Variants in SLC27A1 observed in about 807,000 individuals in gnomAD.
SLC27A1 encodes long-chain fatty acid transport protein 1.
SLC27A1 carries 61 observed loss-of-function variants against 62.2 expected under a neutral mutation model. The observed-to-expected ratio is 0.98, with a 90% CI of 0.80 to 1.21. The LOEUF is 1.21. Ranked by LOEUF, SLC27A1 falls within the 50% of genes most tolerant of loss-of-function variation. The probability of loss-of-function intolerance (pLI) is 0.00; values close to 1 mark genes in which losing one functional copy is unlikely to be tolerated. For missense variants in SLC27A1, 903 were observed against 932.1 expected, an observed-to-expected ratio of 0.97 and a Z score of 0.41; for synonymous variants, 435 against 408.6, an observed-to-expected ratio of 1.06 and a Z score of -0.78.
rs1356310316 is a variant in SLC27A1, at chr19:17,505,189, G to A, written c.*577G>A. 4.0e-5 allele frequency: 12 copies of A among 301,886 alleles called. No individual in the cohort carries two copies. Among genetic ancestry groups the A allele is most frequent in the Middle Eastern group, 1.2e-3 (1 of 828 alleles). The allele number at this position is 301,886 out of a possible 1,614,324, so 18.7% of individuals were successfully genotyped here. On this transcript the variant is annotated 3_prime_UTR_variant, in exon 12 of 12. Coordinates refer to ENST00000252595, the MANE Select transcript of SLC27A1 (RefSeq NM_198580.3). ...GATTATAGGCGTGAGCCTCTGGCCC[G>A]GCCTTTCCTTTTTCCTCTCCTCTCC... is the stretch of plus-strand genomic sequence containing the variant.
chr19:17,470,888 T>TG (rs1178653283), intron 1 of SLC27A1, among the ~76,000 whole-genome samples, 181 bp downstream of exon 1: 2 of 134,236 alleles, frequency 1.5e-5, no homozygotes, highest in Non-Finnish European at 3.2e-5. Flanking sequence ...GGTGACCAGT[T>TG]GGGGGTCTCT....
chr19:17,488,974 G>T (rs2144583662), intron 5 of SLC27A1, 34 bp from the exon 6 acceptor site: 2 of 1,613,898 alleles, frequency 1.2e-6, no homozygotes, highest in East Asian at 4.5e-5. Context: ...GTGGGTGGGG[G>T]CGGGGGACCC....
At chr19:17,487,602 C>CTGAG (rs1363967215) in intron 4 of SLC27A1, 73 bp downstream of exon 4, 6 of 1,441,496 alleles carry the variant, frequency 4.2e-6, no homozygotes, top group Non-Finnish European at 5.7e-6. Flanking sequence ...CTGACCTGCC[C>CTGAG]CTCAGCTCCT....
In SLC27A1 at chr19:17,501,369, C is replaced by A; in HGVS notation, c.1733C>A (p.Pro578His). 3 of 1,613,904 alleles carry A rather than the reference C, an allele frequency of 1.9e-6. No homozygotes were observed. The highest frequency in any genetic ancestry group is 2.5e-6 in the Non-Finnish European group (3 of 1,179,944). Residue 578 changes from proline (P) to histidine (H), a missense_variant, in exon 11 of 12, where the codon CCC (proline) becomes CAC (histidine). Transcript: ENST00000252595. ...IYQELQKVLAPYARPIFLRLL... is the reference protein window; with the variant it reads ...IYQELQKVLAHYARPIFLRLL... ...CAGGAGCTGCAGAAGGTGCTGGCACCCTATGCCCGGCCCATCTTCCTGCGC... is the reference window on the plus strand; with the variant it reads ...CAGGAGCTGCAGAAGGTGCTGGCACACTATGCCCGGCCCATCTTCCTGCGC...
chr19:17,476,632 G>A (rs2075125498), intron 1 of SLC27A1, among the ~76,000 whole-genome samples: 2 of 152,080 alleles, frequency 1.3e-5, no homozygotes, highest in South Asian at 2.1e-4. Context: ...TACGTCGCCA[G>A]CACTTGATAA....
intron 1 of SLC27A1, among the ~76,000 whole-genome samples, chr19:17,481,167 C>T (rs1475320073): frequency 6.6e-6 from 1 of 152,030 alleles, no homozygotes; most frequent in Non-Finnish European, 1.5e-5. Flanking sequence ...TCAGGTGATC[C>T]ATCCACCTCA....
At chr19:17,480,062 C>G (rs1419268674) in intron 1 of SLC27A1, among the ~76,000 whole-genome samples, 1 of 152,100 alleles carries the variant, frequency 6.6e-6, no homozygotes, top group Non-Finnish European at 1.5e-5. Flanking sequence ...GAGTCTCACT[C>G]TGTCACCCAG....
At chr19:17,469,389 C>A (rs536111738), upstream of SLC27A1, among the ~76,000 whole-genome samples, 2 of 151,954 alleles carry the variant, frequency 1.3e-5, no homozygotes, top group East Asian at 3.9e-4. Context: ...GAATACAGCC[C>A]GCGCGGGCCG....
chr19:17,501,711 G>A (rs1412034245), intron 11 of SLC27A1, among the ~76,000 whole-genome samples: 1 of 149,762 alleles, frequency 6.7e-6, no homozygotes, highest in Non-Finnish European at 1.5e-5. Context: ...GCTGAGGCAG[G>A]AGAATGGCAT....
intron 6 of SLC27A1, among the ~76,000 whole-genome samples, chr19:17,491,488 C>T (rs1015386521): frequency 2.0e-5 from 3 of 152,298 alleles, no homozygotes; most frequent in Middle Eastern, 3.4e-3. Context: ...TGGGCAGTGG[C>T]TCAATTCTGT....
At chr19:17,482,347 C>A (rs1056191330) in intron 1 of SLC27A1, among the ~76,000 whole-genome samples, 1 of 152,052 alleles carries the variant, frequency 6.6e-6, no homozygotes, top group African/African-American at 2.4e-5. Flanking sequence ...GACGAAACTC[C>A]GTCTCTACTA....
chr19:17,481,204 C>T (rs193139453), intron 1 of SLC27A1, among the ~76,000 whole-genome samples: 183 of 152,042 alleles, frequency 1.2e-3, no homozygotes, highest in Non-Finnish European at 2.3e-3. Context: ...GGATTACAGG[C>T]GTGAGCCACT....
chr19:17,484,460 C>T (rs1359702782), intron 1 of SLC27A1, among the ~76,000 whole-genome samples: 4 of 152,016 alleles, frequency 2.6e-5, no homozygotes, highest in South Asian at 2.1e-4. Flanking sequence ...GCCCTGGTGA[C>T]GTGCACCTGT....
Position 17,504,738 on chromosome 19 carries a change from A to G in SLC27A1, c.*126A>G, listed in dbSNP as rs748726991. ...GGCCGAGCTGTACCTGGCACGGCCCATCCTGGACTGAGAAACTGGAACCTC... is the reference window on the plus strand; with the variant it reads ...GGCCGAGCTGTACCTGGCACGGCCCGTCCTGGACTGAGAAACTGGAACCTC... On this transcript the variant is annotated 3_prime_UTR_variant, in exon 12 of 12. Transcript: ENST00000252595. The G allele has an allele frequency of 7.9e-7, 1 of 1,273,674 alleles. No individual in the cohort carries two copies. Among genetic ancestry groups the G allele is most frequent in the East Asian group, 2.5e-5 (1 of 39,986 alleles). 78.9% of individuals were successfully genotyped at this position (1,273,674 alleles called of 1,614,324 possible).
At chr19:17,498,090 T>G (rs548397173) in intron 7 of SLC27A1, 1 of 153,722 alleles carries the variant, frequency 6.5e-6, no homozygotes, top group African/African-American at 2.4e-5. Context: ...AAATGTCGGC[T>G]GGGCACAGTG....
At chr19:17,480,191 C>T (rs1029913959) in intron 1 of SLC27A1, among the ~76,000 whole-genome samples, 5 of 151,314 alleles carry the variant, frequency 3.3e-5, no homozygotes, top group Non-Finnish European at 5.9e-5. Context: ...CCATATCCGG[C>T]TAATTTTTGT....
At chr19:17,501,144 C>T in intron 10 of SLC27A1, 129 bp from the exon 11 acceptor site, 1 of 1,371,322 alleles carries the variant, frequency 7.3e-7, no homozygotes, top group Non-Finnish European at 9.9e-7. Flanking sequence ...TGGCTGCTTC[C>T]ATAAATGTCA....
intron 6 of SLC27A1, 31 bp downstream of exon 6, chr19:17,489,148 C>A: frequency 6.3e-7 from 1 of 1,581,078 alleles, no homozygotes. Context: ...GTCTAGACCC[C>A]GCCCCTCCCA....
chr19:17,493,956 G>A (rs778292102), intron 6 of SLC27A1, among the ~76,000 whole-genome samples: 17 of 151,056 alleles, frequency 1.1e-4, no homozygotes, highest in South Asian at 4.2e-4. Flanking sequence ...TACTGTACAC[G>A]TGCTAACAAA....
Sources: allele counts gnomAD v4.1 joint callset (sites outside exome capture counted in the v4.1 genomes callset), GRCh38; gene constraint gnomAD v4.1.1; transcripts MANE v1.5; gene names NCBI Gene and HGNC (gene_info 2026-07-23, HGNC 2026-07-21).